Variants in TAFA5 observed in about 807,000 individuals in gnomAD.
TAFA5 encodes chemokine-like protein TAFA-5.
A neutral mutation model predicts 15.3 loss-of-function variants in TAFA5; 6 were observed. That is an observed-to-expected ratio of 0.39 (90% CI 0.21 to 0.77). TAFA5 has a LOEUF of 0.77. TAFA5 is among the 30% of genes least tolerant of loss of function. The probability of loss-of-function intolerance (pLI) is 0.41; values close to 1 mark genes in which losing one functional copy is unlikely to be tolerated. For synonymous variants in TAFA5, 103 were observed against 80.7 expected, an observed-to-expected ratio of 1.28 and a Z score of -1.48; for missense variants, 161 against 193.1, an observed-to-expected ratio of 0.83 and a Z score of 0.98.
intron 2 of TAFA5, among the ~76,000 whole-genome samples, chr22:48,664,912 C>T (rs763938266): frequency 1.3e-5 from 2 of 152,136 alleles, no homozygotes; most frequent in South Asian, 2.1e-4. Flanking sequence ...ACTTGGTGCA[C>T]GTCTCCGAGT....
intron 3 of TAFA5, among the ~76,000 whole-genome samples, chr22:48,736,766 TGAAACTTCCG>T (rs1457745432): frequency 6.6e-6 from 1 of 152,080 alleles, no homozygotes; most frequent in Non-Finnish European, 1.5e-5. Context: ...CCCAGTGATG[TGAAACTTCCG>T]GAACAGGCAA....
intron 1 of TAFA5, among the ~76,000 whole-genome samples, chr22:48,601,036 G>A (rs966788983): frequency 6.6e-6 from 1 of 152,348 alleles, no homozygotes; most frequent in Admixed American, 6.5e-5. Flanking sequence ...CCAGAAGAAG[G>A]GAGGACGTAC....
At chr22:48,534,523 G>A (rs1476865868) in intron 1 of TAFA5, among the ~76,000 whole-genome samples, 6 of 152,172 alleles carry the variant, frequency 3.9e-5, no homozygotes, top group Admixed American at 2.6e-4. Context: ...GGTGGACAGG[G>A]CAGGCTGGAG....
intron 1 of TAFA5, among the ~76,000 whole-genome samples, chr22:48,613,255 G>A (rs1278117524): frequency 6.6e-6 from 1 of 152,166 alleles, no homozygotes; most frequent in Non-Finnish European, 1.5e-5. Context: ...TTTCACTGAT[G>A]ATCTGAGGAC....
At chr22:48,528,182 G>A (rs182847059) in intron 1 of TAFA5, among the ~76,000 whole-genome samples, 21 of 152,320 alleles carry the variant, frequency 1.4e-4, no homozygotes, top group African/African-American at 4.6e-4. Context: ...CGGAGGTGCC[G>A]GAAACCCGTG....
chr22:48,579,309 C>T (rs902442786), intron 1 of TAFA5, among the ~76,000 whole-genome samples: 7 of 152,212 alleles, frequency 4.6e-5, no homozygotes, highest in South Asian at 4.1e-4. Flanking sequence ...AAAGCAGGGC[C>T]GCAGCGTGGG....
intron 1 of TAFA5, among the ~76,000 whole-genome samples, chr22:48,580,761 G>T (rs372333279): frequency 6.6e-6 from 1 of 152,222 alleles, no homozygotes; most frequent in African/African-American, 2.4e-5. Flanking sequence ...GGGCTGCCCC[G>T]GCCGCCAGGC....
Position 48,573,397 on chromosome 22 carries a change from T to C in TAFA5, c.113-73200T>C, listed in dbSNP as rs77682213. On this transcript the variant is annotated intron_variant, in intron 1 of 3. Transcript: ENST00000402357. ...TATTTGTAAAGGGTTTTTCCTGTCA[T>C]GTCAATGAGAACCCTAGGTGTCTCC... Among the ~76,000 whole-genome samples the C allele has an allele frequency of 4.4e-3, 663 of 152,336 alleles. 4 individuals are homozygous for C. Among genetic ancestry groups the C allele is most frequent in the African/African-American group, 0.015 (615 of 41,574 alleles).
At position 48,576,433 on chromosome 22, in the gene TAFA5, A is replaced by C. The variant is rs367548223; in HGVS notation, c.113-70164A>C. 6.0e-6 allele frequency: 8 copies of C among 1,336,608 alleles called. 1 individual carries two copies. The highest frequency in any genetic ancestry group is 7.8e-6 in the Non-Finnish European group (8 of 1,027,250). 82.8% of individuals were successfully genotyped at this position (1,336,608 alleles called of 1,614,324 possible). The stretch of plus-strand genomic sequence containing the variant: ...GGCGGGGCGCTGATGCGGCGCCTGG[A>C]CCTTCGCTGCGCGACTTCGGGGGCG... On this transcript the variant is annotated intron_variant, in intron 1 of 3. Transcript: ENST00000402357.
chr22:48,725,206 T>G, intron 3 of TAFA5, among the ~76,000 whole-genome samples: 1 of 152,168 alleles, frequency 6.6e-6, no homozygotes. Context: ...TTCCCACACC[T>G]GCAGGAACCA....
At chr22:48,599,952 T>C (rs1037071403) in intron 1 of TAFA5, among the ~76,000 whole-genome samples, 2 of 152,198 alleles carry the variant, frequency 1.3e-5, no homozygotes, top group African/African-American at 4.8e-5. Context: ...GGAGCCTTCC[T>C]GCCTCGATTC....
At chr22:48,495,102 G>T (rs1483167360) in intron 1 of TAFA5, among the ~76,000 whole-genome samples, 1 of 152,208 alleles carries the variant, frequency 6.6e-6, no homozygotes, top group Non-Finnish European at 1.5e-5. Context: ...CCTGGAAGAG[G>T]CCTCCCTGTC....
chr22:48,687,383 G>A (rs1033471074), intron 2 of TAFA5, among the ~76,000 whole-genome samples: 1 of 147,200 alleles, frequency 6.8e-6, no homozygotes, highest in Non-Finnish European at 1.5e-5. Flanking sequence ...TGCATGGATG[G>A]TAATGGATGT....
intron 1 of TAFA5, among the ~76,000 whole-genome samples, chr22:48,595,829 A>G (rs28730981): frequency 0.082 from 12,456 of 152,348 alleles, 685 homozygotes; most frequent in South Asian, 0.18. Flanking sequence ...AGCTGCATAA[A>G]TTAAAACTTC....
At chr22:48,585,019 A>ACCACACAC (rs1184381039) in intron 1 of TAFA5, among the ~76,000 whole-genome samples, 1 of 136,368 alleles carries the variant, frequency 7.3e-6, no homozygotes, top group East Asian at 2.2e-4. Flanking sequence ...TGCAGAATAC[A>ACCACACAC]CCACACACAC....
At chr22:48,564,901 T>C (rs1188979998) in intron 1 of TAFA5, among the ~76,000 whole-genome samples, 2 of 152,146 alleles carry the variant, frequency 1.3e-5, no homozygotes, top group Non-Finnish European at 2.9e-5. Flanking sequence ...CGCCCCCCAG[T>C]GGCCCTGCAA....
Position 48,529,204 on chromosome 22 carries a change from A to G in TAFA5, c.112+39500A>G, listed in dbSNP as rs28670121. ...AGGAGATGAGGGTGTCCAGGCAGGA[A>G]ATGAGGATGTCCAGGCAGGAGATGG... On this transcript the variant is annotated intron_variant, in intron 1 of 3. Coordinates refer to ENST00000402357, the MANE Select transcript of TAFA5 (RefSeq NM_001082967.3). 8.7e-3 allele frequency among the ~76,000 whole-genome samples: 713 copies of G among 82,104 alleles called. 3 individuals carry two copies. The highest frequency in any genetic ancestry group is 0.045 in the Middle Eastern group (5 of 112). The allele number at this position is 82,104 out of a possible 152,430, so 53.9% of individuals were successfully genotyped here. A position where few individuals can be genotyped will look rare whatever the true frequency, so the allele number is the denominator to read the frequency against.
chr22:48,627,931 C>T (rs1054163706), intron 1 of TAFA5, among the ~76,000 whole-genome samples: 1 of 152,212 alleles, frequency 6.6e-6, no homozygotes, highest in Non-Finnish European at 1.5e-5. Flanking sequence ...CCAGGTGACC[C>T]GGCAGGCAGG....
chr22:48,704,758 T>G (rs1929027353), intron 2 of TAFA5, among the ~76,000 whole-genome samples: 1 of 151,432 alleles, frequency 6.6e-6, no homozygotes, highest in Non-Finnish European at 1.5e-5. Context: ...TGTCTCCTGG[T>G]CTCCTGGCTG....
Sources: gnomAD v4.1 joint callset for allele counts (sites outside exome capture counted in the v4.1 genomes callset) on GRCh38, gnomAD v4.1.1 for gene constraint, MANE v1.5 for transcripts, NCBI Gene and HGNC (gene_info 2026-07-23, HGNC 2026-07-21) for gene names.